Variants in TMCO5A observed in about 807,000 individuals in gnomAD.
TMCO5A encodes transmembrane and coiled-coil domains 5A.
TMCO5A carries 34 observed loss-of-function variants against 42.3 expected under a neutral mutation model. The ratio of observed to expected loss-of-function variants is 0.80; its 90% CI spans 0.61 to 1.07. The LOEUF (loss-of-function observed/expected upper bound fraction) is 1.07, where lower values mean the gene tolerates loss of function less well. TMCO5A is among the 50% of genes least tolerant of loss of function. The pLI, the probability that TMCO5A is intolerant of heterozygous loss-of-function variation, is 0.00. For synonymous variants in TMCO5A, 131 were observed against 115.6 expected (o/e 1.13, Z -0.86); for missense variants, 357 against 327.9 (o/e 1.09, Z -0.69).
chr15:38,027,770 A>G, the TMCO5A span, among the ~76,000 whole-genome samples: 8 of 152,100 alleles, frequency 5.3e-5, no homozygotes, highest in Non-Finnish European at 1.5e-5. Flanking sequence ...CCTCCATACT[A>G]TTGGCATGAT....
chr15:37,990,244 T>C, the TMCO5A span, among the ~76,000 whole-genome samples: 1 of 152,118 alleles, frequency 6.6e-6, no homozygotes, highest in African/African-American at 2.4e-5. Flanking sequence ...TCAACAATTA[T>C]TGTAAATCTA....
At chr15:37,982,758 T>C in the TMCO5A span, among the ~76,000 whole-genome samples, 1 of 145,286 alleles carries the variant, frequency 6.9e-6, no homozygotes, top group African/African-American at 2.5e-5. Context: ...ATATATAATA[T>C]ATAAATATAT....
the TMCO5A span, among the ~76,000 whole-genome samples, chr15:37,989,491 T>C: frequency 1.3e-5 from 2 of 152,030 alleles, no homozygotes; most frequent in Non-Finnish European, 2.9e-5. Context: ...TTTTAGTATG[T>C]TGTGTTTTCA....
At chr15:37,995,547 A>T in the TMCO5A span, among the ~76,000 whole-genome samples, 4 of 152,224 alleles carry the variant, frequency 2.6e-5, no homozygotes, top group Admixed American at 1.3e-4. Flanking sequence ...CAAAGTCCAA[A>T]TTGGTAACTT....
chr15:38,012,092 C>T, the TMCO5A span, among the ~76,000 whole-genome samples: 1 of 151,110 alleles, frequency 6.6e-6, no homozygotes, highest in African/African-American at 2.4e-5. Context: ...CCACTGCACT[C>T]CACCCTAGGT....
chr15:38,002,209 T>TTG, the TMCO5A span, among the ~76,000 whole-genome samples: 1 of 109,450 alleles, frequency 9.1e-6, no homozygotes, highest in South Asian at 2.5e-4. Flanking sequence ...GGATAAAAGG[T>TTG]TTTTTTTTTT....
the TMCO5A span, among the ~76,000 whole-genome samples, chr15:38,010,761 AT>A: frequency 6.6e-6 from 1 of 151,912 alleles, no homozygotes; most frequent in African/African-American, 2.4e-5. Context: ...TTACTTATTT[AT>A]TTATTTTTGA....
chr15:38,013,688 A>G, the TMCO5A span, among the ~76,000 whole-genome samples: 24 of 152,220 alleles, frequency 1.6e-4, no homozygotes, highest in African/African-American at 4.3e-4. Context: ...CTATTACTTC[A>G]ACATGTGATA....
At chr15:37,957,408 T>C (rs1234622767) in intron 11 of TMCO5A, among the ~76,000 whole-genome samples, 4 of 151,680 alleles carry the variant, frequency 2.6e-5, no homozygotes, top group East Asian at 1.9e-4. Context: ...GGATACAAAA[T>C]CAATGTGCAA....
chr15:37,936,522 A>C, intron 3 of TMCO5A, 59 bp downstream of exon 3: 1 of 1,554,464 alleles, frequency 6.4e-7, no homozygotes, highest in Non-Finnish European at 8.6e-7. Context: ...GGAGGACCAA[A>C]ACCAAAACTG....
downstream of TMCO5A, among the ~76,000 whole-genome samples, chr15:37,955,795 C>G (rs1359702144): frequency 6.6e-6 from 1 of 152,088 alleles, no homozygotes; most frequent in African/African-American, 2.4e-5. Context: ...AATATACATT[C>G]TTCTCAGCAC....
At chr15:37,978,468 TA>T in the TMCO5A span, among the ~76,000 whole-genome samples, 1 of 152,138 alleles carries the variant, frequency 6.6e-6, no homozygotes, top group Non-Finnish European at 1.5e-5. Flanking sequence ...TGGTGAAGAC[TA>T]GGGGGTGGGG....
chr15:37,999,732 A>G, the TMCO5A span, among the ~76,000 whole-genome samples: 1 of 152,146 alleles, frequency 6.6e-6, no homozygotes, highest in Non-Finnish European at 1.5e-5. Context: ...GGTTTTTTTC[A>G]TAAAGGGATG....
intron 6 of TMCO5A, among the ~76,000 whole-genome samples, chr15:37,939,376 G>A (rs1370446639): frequency 2.0e-5 from 3 of 152,130 alleles, no homozygotes; most frequent in African/African-American, 7.2e-5. Flanking sequence ...AAGTTATCTG[G>A]AAAGAGAGAA....
the TMCO5A span, among the ~76,000 whole-genome samples, chr15:38,010,582 T>C: frequency 1.5e-4 from 23 of 152,002 alleles, no homozygotes; most frequent in South Asian, 4.6e-3. Context: ...AGAGGGAGTG[T>C]GGTCCTGCTA....
intron 7 of TMCO5A, 68 bp from the exon 8 acceptor site, chr15:37,941,603 A>G (rs1015736594): frequency 1.5e-5 from 18 of 1,185,126 alleles, no homozygotes; most frequent in Non-Finnish European, 2.3e-5. Context: ...CCCAAGAGAA[A>G]ACAAGTATGC....
At chr15:37,969,657 G>A (rs546402655), downstream of TMCO5A, among the ~76,000 whole-genome samples, 2 of 152,136 alleles carry the variant, frequency 1.3e-5, no homozygotes, top group Admixed American at 6.5e-5. Context: ...CATCACCTAG[G>A]TAATAATCTC....
chr15:38,014,154 A>AT, the TMCO5A span, among the ~76,000 whole-genome samples: 1 of 152,096 alleles, frequency 6.6e-6, no homozygotes, highest in Non-Finnish European at 1.5e-5. Flanking sequence ...CCTGCAAAAT[A>AT]TTTTTTTGCC....
At chr15:37,986,347 G>A in the TMCO5A span, among the ~76,000 whole-genome samples, 15,235 of 150,224 alleles carry the variant, frequency 0.1, 1,138 homozygotes, top group African/African-American at 0.2. Context: ...CTTTCTGATG[G>A]AAGCGAAAAA....
Sources: allele counts gnomAD v4.1 joint callset (sites outside exome capture counted in the v4.1 genomes callset), GRCh38; gene constraint gnomAD v4.1.1; transcripts MANE v1.5; gene names NCBI Gene and HGNC (gene_info 2026-07-23, HGNC 2026-07-21).